ADAMTSL3: variants seen among roughly 807,000 people sequenced by gnomAD.
ADAMTSL3 encodes ADAMTS-like protein 3.
In ADAMTSL3, 128 loss-of-function variants were observed where a neutral mutation model predicts 201.7. The ratio of observed to expected loss-of-function variants is 0.63; its 90% CI spans 0.55 to 0.73. The LOEUF is 0.73. ADAMTSL3 is among the 30% of genes least tolerant of loss of function. The pLI, the probability that ADAMTSL3 is intolerant of heterozygous loss-of-function variation, is 0.00. For missense variants in ADAMTSL3, 1,990 were observed against 2,119.6 expected, an observed-to-expected ratio of 0.94 and a Z score of 1.20; for synonymous variants, 738 against 748.4, an observed-to-expected ratio of 0.99 and a Z score of 0.23.
At chr15:83,691,334 T>G (rs1191210892) in intron 2 of ADAMTSL3, among the ~76,000 whole-genome samples, 2 of 152,238 alleles carry the variant, frequency 1.3e-5, no homozygotes, top group Non-Finnish European at 2.9e-5. Context: ...GGAGTTCATC[T>G]AACACATGTT....
intron 3 of ADAMTSL3, among the ~76,000 whole-genome samples, chr15:83,766,683 G>C (rs2062897454): frequency 6.6e-6 from 1 of 152,206 alleles, no homozygotes; most frequent in African/African-American, 2.4e-5. Context: ...AGAAAATGCA[G>C]GCTTTGTCTG....
At chr15:83,997,250 G>A (rs1028370516) in intron 23 of ADAMTSL3, among the ~76,000 whole-genome samples, 3 of 152,154 alleles carry the variant, frequency 2.0e-5, no homozygotes, top group African/African-American at 4.8e-5. Context: ...GAAAAGTTTG[G>A]GGATAGAACT....
chr15:83,672,864 C>T (rs774936816), intron 2 of ADAMTSL3, among the ~76,000 whole-genome samples: 1 of 152,194 alleles, frequency 6.6e-6, no homozygotes, highest in Non-Finnish European at 1.5e-5. Flanking sequence ...CTTCTTAGGA[C>T]AGGCTTTGTG....
At chr15:83,705,783 G>A in intron 3 of ADAMTSL3, among the ~76,000 whole-genome samples, 1 of 152,192 alleles carries the variant, frequency 6.6e-6, no homozygotes, top group Non-Finnish European at 1.5e-5. Context: ...CTGGGACTGG[G>A]GTGAAGGTCA....
In ADAMTSL3 at chr15:83,806,248, G is replaced by A. The variant is rs141602519; in HGVS notation, c.363+1553G>A. Reference sequence around the variant, plus strand: ...ATGGCACCCTTCCCTGCAAGGAACAGGTCCTGCACAGTTGTGCATGTACCT... The same window carrying A: ...ATGGCACCCTTCCCTGCAAGGAACAAGTCCTGCACAGTTGTGCATGTACCT... On this transcript the variant is annotated intron_variant, in intron 5 of 29. Coordinates refer to ENST00000286744, the MANE Select transcript of ADAMTSL3 (RefSeq NM_207517.3). 4.6e-5 allele frequency among the ~76,000 whole-genome samples: 7 copies of A among 152,344 alleles called. No individual in the cohort carries two copies. In the East Asian group the frequency reaches 1.4e-3, roughly 29 times the overall value.
At chr15:83,801,303 G>A (rs553597256) in intron 4 of ADAMTSL3, among the ~76,000 whole-genome samples, 4 of 152,056 alleles carry the variant, frequency 2.6e-5, no homozygotes, top group Admixed American at 1.3e-4. Context: ...CTATAATGCT[G>A]TTCTTTTCAC....
intron 2 of ADAMTSL3, among the ~76,000 whole-genome samples, chr15:83,669,297 C>T (rs932583232): frequency 6.6e-6 from 1 of 152,002 alleles, no homozygotes; most frequent in African/African-American, 2.4e-5. Context: ...AGTTGTGCAC[C>T]ACCACGCGCG....
At chr15:83,889,442 A>G (rs912465362) in intron 10 of ADAMTSL3, among the ~76,000 whole-genome samples, 1 of 152,222 alleles carries the variant, frequency 6.6e-6, no homozygotes, top group Non-Finnish European at 1.5e-5. Flanking sequence ...TCTCAAAAAC[A>G]TGATGTTGAG....
rs901656161 is a variant in ADAMTSL3, at chr15:83,741,649, C to G, written c.190-31874C>G. ...TAATCAATCTAAACATTTAAGAAAA[C>G]CAACTCAAAAACCATTGGAACTATA... is the stretch of plus-strand genomic sequence containing the variant. On this transcript the variant is annotated intron_variant, in intron 3 of 29. Coordinates refer to ENST00000286744, the MANE Select transcript of ADAMTSL3 (RefSeq NM_207517.3). Among the ~76,000 whole-genome samples, 5 of 152,192 alleles carry G rather than the reference C, an allele frequency of 3.3e-5. 1 individual carries two copies. Among genetic ancestry groups the G allele is most frequent in the Admixed American group, 6.5e-5 (1 of 15,282 alleles).
At chr15:83,863,231 G>C (rs1205998441) in intron 8 of ADAMTSL3, among the ~76,000 whole-genome samples, 3 of 152,118 alleles carry the variant, frequency 2.0e-5, no homozygotes, top group Non-Finnish European at 4.4e-5. Flanking sequence ...AGTTAACAAG[G>C]ATATCCAGGA....
intron 2 of ADAMTSL3, among the ~76,000 whole-genome samples, chr15:83,701,276 A>AG (rs2061773534): frequency 6.6e-6 from 1 of 152,134 alleles, no homozygotes; most frequent in East Asian, 1.9e-4. Context: ...GAAGCAATCA[A>AG]GGCAGTGATC....
intron 2 of ADAMTSL3, among the ~76,000 whole-genome samples, 166 bp from the exon 3 acceptor site, chr15:83,704,223 C>T (rs2061816644): frequency 6.6e-6 from 1 of 152,188 alleles, no homozygotes; most frequent in Non-Finnish European, 1.5e-5. Flanking sequence ...TGCCCTGACA[C>T]ACCTGGTGTG....
At position 83,920,537 on chromosome 15, in the gene ADAMTSL3, G is replaced by A. The variant is rs574247223; in HGVS notation, c.1988-3367G>A. On this transcript the variant is annotated intron_variant, in intron 16 of 29. Coordinates refer to ENST00000286744, the MANE Select transcript of ADAMTSL3 (RefSeq NM_207517.3). ...TATGCTTCACTCTTTTTCATTACTC[G>A]GGACTTTACAGTAGTACCCCTTCAG... Among the ~76,000 whole-genome samples, 10 of 152,072 alleles carry A rather than the reference G, an allele frequency of 6.6e-5. No homozygotes were observed. In the South Asian group the frequency reaches 1.0e-3, roughly 16 times the overall value.
Position 83,982,329 on chromosome 15 carries a change from G to C in ADAMTSL3, c.2701G>C (p.Val901Leu). 1 of 1,613,770 alleles carries C rather than the reference G, an allele frequency of 6.2e-7. No individual in the cohort carries two copies. Among genetic ancestry groups the C allele is most frequent in the Non-Finnish European group, 8.5e-7 (1 of 1,179,952 alleles). ...LGEQGPQILS[V>L]QRVYIQTREE... ...TGAGCAGGGTCCGCAGATCCTCAGTGTCCAGAGAGTCTACATTCAGACAAG... is the reference window on the plus strand; with the variant it reads ...TGAGCAGGGTCCGCAGATCCTCAGTCTCCAGAGAGTCTACATTCAGACAAG... Residue 901 changes from valine (V) to leucine (L), a missense_variant, in exon 21 of 30, where the codon GTC (valine) becomes CTC (leucine). Physicochemically the swap from Val to Leu is conservative, Grantham distance 32 (BLOSUM62 1). Coordinates refer to ENST00000286744, the MANE Select transcript of ADAMTSL3 (RefSeq NM_207517.3).
intron 3 of ADAMTSL3, among the ~76,000 whole-genome samples, chr15:83,711,519 C>T (rs2061933474): frequency 6.6e-6 from 1 of 152,166 alleles, no homozygotes; most frequent in African/African-American, 2.4e-5. Flanking sequence ...TAGTTCATTC[C>T]TTTGTTAGTA....
At chr15:83,974,041 A>G (rs2067239916) in intron 20 of ADAMTSL3, among the ~76,000 whole-genome samples, 1 of 152,112 alleles carries the variant, frequency 6.6e-6, no homozygotes, top group Non-Finnish European at 1.5e-5. Context: ...CTATAGTCCA[A>G]TGACACCCAC....
At chr15:83,918,019 ATTG>A (rs2066070568) in intron 16 of ADAMTSL3, among the ~76,000 whole-genome samples, 1 of 152,144 alleles carries the variant, frequency 6.6e-6, no homozygotes, top group Non-Finnish European at 1.5e-5. Context: ...ATCTGACTAA[ATTG>A]TTGAACACCT....
intron 4 of ADAMTSL3, among the ~76,000 whole-genome samples, chr15:83,795,932 G>T (rs1182006807): frequency 6.6e-6 from 1 of 152,054 alleles, no homozygotes; most frequent in African/African-American, 2.4e-5. Context: ...TACTTGCGAG[G>T]AGTAAGCACC....
chr15:83,994,320 A>T (rs1000157505), intron 23 of ADAMTSL3, among the ~76,000 whole-genome samples: 5 of 152,190 alleles, frequency 3.3e-5, no homozygotes, highest in Non-Finnish European at 7.3e-5. Context: ...AAATTCTACA[A>T]CTGTGGATGG....
Sources: allele counts gnomAD v4.1 joint callset (sites outside exome capture counted in the v4.1 genomes callset), GRCh38; gene constraint gnomAD v4.1.1; transcripts MANE v1.5; gene names NCBI Gene and HGNC (gene_info 2026-07-23, HGNC 2026-07-21).